RRM1: variants seen among roughly 807,000 people sequenced by gnomAD.
RRM1 encodes the protein ribonucleoside-diphosphate reductase large subunit.
Under a neutral mutation model 101.5 loss-of-function variants are expected in RRM1, and 19 were observed. The ratio of observed to expected loss-of-function variants is 0.19; its 90% CI spans 0.13 to 0.27. RRM1 has a LOEUF of 0.27. Among genes scored for constraint, RRM1 ranks in the 10% least tolerant of loss-of-function variants. The pLI, the probability that RRM1 is intolerant of heterozygous loss-of-function variation, is 1.00. For synonymous variants in RRM1, 298 were observed against 323.4 expected (o/e 0.92, Z 0.84); for missense variants, 500 against 962.9 (o/e 0.52, Z 6.36).
rs1384898638 is a variant in RRM1 at position 4,112,054 on chromosome 11, A to G, written c.642A>G (p.Gln214=). The stretch of plus-strand genomic sequence containing the variant: ...TCAATGCTGGTACCAACCGCCCACA[A>G]CTTTCTAGGTAGGTGTTTTGAGTAG... The part of the protein sequence containing the change: ...TLFNAGTNRP[Q]LSSCFLLSMK... Residue 214 remains glutamine (Q), a synonymous_variant, in exon 7 of 19, where the codon CAA becomes CAG. Transcript: ENST00000300738. 43 of 1,612,846 alleles carry G rather than the reference A, an allele frequency of 2.7e-5. No homozygotes were observed. The highest frequency in any genetic ancestry group is 3.5e-5 in the Non-Finnish European group (41 of 1,179,416).
At chr11:4,114,752 G>T (rs1018684453) in intron 7 of RRM1, among the ~76,000 whole-genome samples, 2 of 151,998 alleles carry the variant, frequency 1.3e-5, no homozygotes, top group Non-Finnish European at 2.9e-5. Context: ...TCACTCTTTT[G>T]CCCAGGCTGG....
chr11:4,111,739 T>C, intron 6 of RRM1, 99 bp downstream of exon 6: 2 of 1,261,134 alleles, frequency 1.6e-6, no homozygotes, highest in Non-Finnish European at 2.2e-6. Context: ...AGACTCTAGA[T>C]AACATTTTGG....
chr11:4,130,433 C>T (rs1198912579), intron 15 of RRM1, among the ~76,000 whole-genome samples: 2 of 152,048 alleles, frequency 1.3e-5, no homozygotes, highest in Non-Finnish European at 2.9e-5. Context: ...CCATGACTCA[C>T]GTCTGTAATC....
intron 14 of RRM1, among the ~76,000 whole-genome samples, chr11:4,128,462 C>T (rs1024949646): frequency 1.5e-4 from 23 of 152,168 alleles, no homozygotes; most frequent in African/African-American, 4.6e-4. Flanking sequence ...ACCTTAATTA[C>T]ATCTGCAGAA....
intron 14 of RRM1, 61 bp downstream of exon 14, chr11:4,127,317 C>T: frequency 1.9e-6 from 2 of 1,043,446 alleles, no homozygotes; most frequent in Non-Finnish European, 2.7e-6. Context: ...GAATGGTGAC[C>T]CCACAAAAGG....
intron 18 of RRM1, among the ~76,000 whole-genome samples, chr11:4,136,048 CAA>C (rs1231569426): frequency 6.6e-6 from 1 of 151,336 alleles, no homozygotes; most frequent in Non-Finnish European, 1.5e-5. Flanking sequence ...AAAACAAAGA[CAA>C]AAGAATAAAA....
intron 2 of RRM1, chr11:4,105,577 C>CTTTTT: frequency 3.8e-6 from 1 of 262,912 alleles, no homozygotes; most frequent in East Asian, 1.3e-4. Flanking sequence ...TTTTTTCTTT[C>CTTTTT]CTTTTTTTTT....
In RRM1 at chr11:4,109,637, C is replaced by T. The variant is rs1261793768; in HGVS notation, c.388-7C>T. ...TTTAATTATGGGTTCTTTTTCACCC[C>T]TATCAGCGCCTGAATTCTGCTATTA... On this transcript the variant is annotated splice_region_variant and splice_polypyrimidine_tract_variant and intron_variant, in intron 4 of 18. Transcript: ENST00000300738. 1.2e-6 allele frequency: 2 copies of T among 1,602,052 alleles called. No individual in the cohort carries two copies. Among genetic ancestry groups the T allele is most frequent in the Admixed American group, 3.4e-5 (2 of 58,818 alleles).
chr11:4,096,293 T>G (rs181202446), intron 1 of RRM1, among the ~76,000 whole-genome samples: 60 of 152,328 alleles, frequency 3.9e-4, no homozygotes, highest in Admixed American at 3.3e-3. Flanking sequence ...CTTCCCAAAG[T>G]GCTGGGAATA....
intron 7 of RRM1, among the ~76,000 whole-genome samples, chr11:4,113,103 G>A (rs997778802): frequency 7.1e-6 from 1 of 140,278 alleles, no homozygotes; most frequent in Non-Finnish European, 1.6e-5. Context: ...AACACTAACG[G>A]TCTGGTAATA....
Position 4,124,446 on chromosome 11 carries a change from T to G in RRM1, c.1320+1062T>G, listed in dbSNP as rs376172618. ...GTTAAATATACTGCTAAGGTTACAGTTTAATTCAAAATTTATTGTGCAGTA... is the reference window on the plus strand; with the variant it reads ...GTTAAATATACTGCTAAGGTTACAGGTTAATTCAAAATTTATTGTGCAGTA... On this transcript the variant is annotated intron_variant, in intron 12 of 18. Coordinates refer to ENST00000300738, the MANE Select transcript of RRM1 (RefSeq NM_001033.5). 1.8e-4 allele frequency among the ~76,000 whole-genome samples: 27 copies of G among 152,274 alleles called. No individual in the cohort carries two copies. In the South Asian group the frequency reaches 3.9e-3, roughly 22 times the overall value.
chr11:4,132,886 C>T lies in RRM1; in HGVS notation c.1905+465C>T, dbSNP rs1323222842. 6.6e-6 allele frequency among the ~76,000 whole-genome samples: 1 copy of T among 152,046 alleles called. No homozygotes were observed. Among genetic ancestry groups the T allele is most frequent in the Non-Finnish European group, 1.5e-5 (1 of 68,016 alleles). On this transcript the variant is annotated intron_variant, in intron 16 of 18. Coordinates refer to ENST00000300738, the MANE Select transcript of RRM1 (RefSeq NM_001033.5). The surrounding 1 kb of genome is among the most constrained non-coding windows in gnomAD (Gnocchi z 4.1). ...TATGTGTAGCTAGGGTTGAGAACCT[C>T]AATTTAAAAGACTATTTGTGAATTT... is the stretch of plus-strand genomic sequence containing the variant.
intron 2 of RRM1, among the ~76,000 whole-genome samples, chr11:4,105,843 G>A (rs576302027): frequency 6.6e-6 from 1 of 151,674 alleles, no homozygotes; most frequent in Non-Finnish European, 1.5e-5. Flanking sequence ...GTGATTATGG[G>A]TGTGAGCCAC....
intron 7 of RRM1, among the ~76,000 whole-genome samples, 187 bp from the exon 8 acceptor site, chr11:4,118,133 G>T (rs549844828): frequency 6.6e-6 from 1 of 151,872 alleles, no homozygotes; most frequent in East Asian, 1.9e-4. Context: ...ATTTTAAAAT[G>T]ATATTTCGAT....
rs955317513 is a variant in RRM1, at chr11:4,094,816, G to C, written c.-197G>C. 7 of 611,990 alleles carry C rather than the reference G, an allele frequency of 1.1e-5. No individual in the cohort carries two copies. The highest frequency in any genetic ancestry group is 9.2e-5 in the African/African-American group (5 of 54,398). 37.9% of individuals were successfully genotyped at this position (611,990 alleles called of 1,614,324 possible). On this transcript the variant is annotated 5_prime_UTR_variant, in exon 1 of 19. Transcript: ENST00000300738. Reference sequence around the variant, plus strand: ...CGTCGCGCCCCTTTGTGCGTCACGGGTGGCGGGCGCGGGAAGGGGATTTGG... The same window carrying C: ...CGTCGCGCCCCTTTGTGCGTCACGGCTGGCGGGCGCGGGAAGGGGATTTGG...
intron 7 of RRM1, among the ~76,000 whole-genome samples, chr11:4,115,002 C>T (rs1478017550): frequency 6.6e-6 from 1 of 152,124 alleles, no homozygotes; most frequent in Non-Finnish European, 1.5e-5. Context: ...CATGAGCTAC[C>T]ATGCCCGGTT....
intron 18 of RRM1, among the ~76,000 whole-genome samples, chr11:4,136,315 G>T (rs569978609): frequency 2.0e-4 from 31 of 152,088 alleles, no homozygotes; most frequent in Admixed American, 5.9e-4. Context: ...TCTGTCCTGG[G>T]TTCAAGTGAT....
intron 17 of RRM1, 65 bp downstream of exon 17, chr11:4,133,723 C>G (rs376140097): frequency 3.4e-6 from 3 of 884,150 alleles, no homozygotes. Flanking sequence ...CCTCCTCACT[C>G]ATGCTAGACA....
intron 1 of RRM1, among the ~76,000 whole-genome samples, chr11:4,100,297 A>G (rs2094549319): frequency 6.6e-6 from 1 of 152,272 alleles, no homozygotes; most frequent in African/African-American, 2.4e-5. Flanking sequence ...GGCCAAATAA[A>G]TGTAAACATA....
Sources: allele counts gnomAD v4.1 joint callset (sites outside exome capture counted in the v4.1 genomes callset), GRCh38; gene constraint gnomAD v4.1.1; non-coding constraint Gnocchi (gnomAD v3.1); transcripts MANE v1.5; gene names NCBI Gene and HGNC (gene_info 2026-07-23, HGNC 2026-07-21).